The following HS3ST4 variants were observed in gnomAD, a reference collection of about 807,000 sequenced individuals.
HS3ST4 encodes heparan sulfate glucosamine 3-O-sulfotransferase 4.
HS3ST4 carries 17 observed loss-of-function variants against 29.2 expected under a neutral mutation model. The ratio of observed to expected loss-of-function variants is 0.58; its 90% CI spans 0.40 to 0.87. HS3ST4 has a LOEUF of 0.87. Among genes scored for constraint, HS3ST4 ranks in the 40% least tolerant of loss-of-function variants. The pLI, the probability that HS3ST4 is intolerant of heterozygous loss-of-function variation, is 0.00. For synonymous variants in HS3ST4, 314 were observed against 285.7 expected (o/e 1.10, Z -1.00); for missense variants, 627 against 634.5 (o/e 0.99, Z 0.13).
At chr16:26,034,577 G>C (rs1468557740) in intron 1 of HS3ST4, among the ~76,000 whole-genome samples, 1 of 150,504 alleles carries the variant, frequency 6.6e-6, no homozygotes, top group Admixed American at 6.7e-5. Context: ...CTCTGTCCTG[G>C]ACCCTTGTCC....
chr16:25,700,927 C>T (rs771519850), intron 1 of HS3ST4, among the ~76,000 whole-genome samples: 1 of 152,020 alleles, frequency 6.6e-6, no homozygotes, highest in Non-Finnish European at 1.5e-5. Context: ...CAAAGCAACA[C>T]GTGAATTAGA....
At chr16:25,815,338 A>G (rs544238245) in intron 1 of HS3ST4, among the ~76,000 whole-genome samples, 2 of 152,124 alleles carry the variant, frequency 1.3e-5, no homozygotes, top group Non-Finnish European at 2.9e-5. Context: ...GCACAAAGGA[A>G]ATATTTTTCA....
chr16:25,791,211 G>A (rs1211478008), intron 1 of HS3ST4, among the ~76,000 whole-genome samples: 2 of 152,000 alleles, frequency 1.3e-5, no homozygotes, highest in Non-Finnish European at 2.9e-5. Context: ...TGTTTGTGGG[G>A]CTATATCTGT....
chr16:25,879,406 C>T (rs1352606687), intron 1 of HS3ST4, among the ~76,000 whole-genome samples: 1 of 152,218 alleles, frequency 6.6e-6, no homozygotes, highest in South Asian at 2.1e-4. Flanking sequence ...TAAAGTTCCA[C>T]GTGGCAGGGG....
At chr16:26,028,708 T>A (rs1308207859) in intron 1 of HS3ST4, among the ~76,000 whole-genome samples, 1 of 152,098 alleles carries the variant, frequency 6.6e-6, no homozygotes, top group Non-Finnish European at 1.5e-5. Context: ...CATGTGCACT[T>A]CTTCTCTAGG....
At chr16:25,873,345 T>C (rs1426340131) in intron 1 of HS3ST4, among the ~76,000 whole-genome samples, 33 of 148,314 alleles carry the variant, frequency 2.2e-4, no homozygotes, top group African/African-American at 5.2e-4. Flanking sequence ...CTTTCATCCA[T>C]CTATCCATCC....
intron 1 of HS3ST4, among the ~76,000 whole-genome samples, chr16:25,836,530 A>G (rs797020584): frequency 1.3e-4 from 20 of 152,336 alleles, no homozygotes; most frequent in African/African-American, 3.1e-4. Flanking sequence ...ATAATTATAA[A>G]TAAATAAAGT....
At chr16:25,899,743 A>G (rs927694776) in intron 1 of HS3ST4, among the ~76,000 whole-genome samples, 8 of 135,610 alleles carry the variant, frequency 5.9e-5, no homozygotes, top group African/African-American at 2.0e-4. Context: ...ATTGACTTCT[A>G]AAAAGGTGTT....
At chr16:25,775,366 A>G (rs1966846657) in intron 1 of HS3ST4, among the ~76,000 whole-genome samples, 1 of 152,328 alleles carries the variant, frequency 6.6e-6, no homozygotes, top group Admixed American at 6.5e-5. Context: ...CTGAAGGGAC[A>G]CTGATTCTGT....
At chr16:25,838,439 C>G (rs1281352278) in intron 1 of HS3ST4, among the ~76,000 whole-genome samples, 1 of 152,202 alleles carries the variant, frequency 6.6e-6, no homozygotes, top group Non-Finnish European at 1.5e-5. Context: ...ATAGTTTCAG[C>G]TCTCAAGGAG....
At chr16:26,075,743 A>G (rs1898654639) in intron 1 of HS3ST4, among the ~76,000 whole-genome samples, 1 of 152,220 alleles carries the variant, frequency 6.6e-6, no homozygotes, top group African/African-American at 2.4e-5. Flanking sequence ...TTCCCAAAGA[A>G]CATTCCCATG....
At chr16:26,075,477 A>T (rs1898651246) in intron 1 of HS3ST4, among the ~76,000 whole-genome samples, 3 of 152,234 alleles carry the variant, frequency 2.0e-5, no homozygotes, top group Non-Finnish European at 4.4e-5. Flanking sequence ...TGAAATGATG[A>T]ATGAATAACA....
intron 1 of HS3ST4, among the ~76,000 whole-genome samples, chr16:25,716,853 A>G (rs1596551618): frequency 6.6e-6 from 1 of 152,208 alleles, no homozygotes; most frequent in East Asian, 1.9e-4. Context: ...TGGGAGTTTG[A>G]GACCAGCCTG....
intron 1 of HS3ST4, among the ~76,000 whole-genome samples, chr16:26,080,852 G>A (rs1898715533): frequency 6.6e-6 from 1 of 152,308 alleles, no homozygotes; most frequent in Middle Eastern, 3.4e-3. Flanking sequence ...TAGTGGGAAT[G>A]GTGAGATTAG....
At chr16:25,895,983 T>A (rs533633599) in intron 1 of HS3ST4, among the ~76,000 whole-genome samples, 1 of 152,080 alleles carries the variant, frequency 6.6e-6, no homozygotes. Context: ...GGGGAACTAA[T>A]GTCCACGGCC....
intron 1 of HS3ST4, among the ~76,000 whole-genome samples, chr16:25,829,975 C>T (rs929281222): frequency 6.6e-6 from 1 of 152,164 alleles, no homozygotes; most frequent in Middle Eastern, 3.4e-3. Context: ...AGGCACACAC[C>T]ACCACGCCTG....
In HS3ST4 at chr16:25,961,090, G is replaced by A. The variant is rs903398954; in HGVS notation, c.735-174522G>A. On this transcript the variant is annotated intron_variant, in intron 1 of 1. Transcript: ENST00000331351. The stretch of plus-strand genomic sequence containing the variant: ...TAACTGGCCTCAATGCAGTCTCTGG[G>A]ACAGTTTAATATATCTTCCATCTTC... Among the ~76,000 whole-genome samples the A allele has an allele frequency of 3.3e-5, 5 of 152,298 alleles. No individual in the cohort carries two copies. In the East Asian group the frequency reaches 5.8e-4, roughly 18 times the overall value.
At chr16:25,922,650 G>C (rs1968365471) in intron 1 of HS3ST4, among the ~76,000 whole-genome samples, 1 of 152,226 alleles carries the variant, frequency 6.6e-6, no homozygotes, top group Non-Finnish European at 1.5e-5. Flanking sequence ...CTGGATACCT[G>C]AGTATCGTTG....
intron 1 of HS3ST4, among the ~76,000 whole-genome samples, chr16:25,722,985 C>A (rs766041063): frequency 6.6e-6 from 1 of 152,156 alleles, no homozygotes; most frequent in African/African-American, 2.4e-5. Context: ...GGGAAAGTCA[C>A]GTCTTACATG....
Sources: gnomAD v4.1 joint callset for allele counts (sites outside exome capture counted in the v4.1 genomes callset) on GRCh38, gnomAD v4.1.1 for gene constraint, MANE v1.5 for transcripts, NCBI Gene and HGNC (gene_info 2026-07-23, HGNC 2026-07-21) for gene names.